The following DST variants were observed in gnomAD, a reference collection of about 807,000 sequenced individuals.
DST encodes dystonin.
DST carries 253 observed loss-of-function variants against 875.2 expected under a neutral mutation model. That is an observed-to-expected ratio of 0.29 (90% confidence interval 0.26 to 0.32). The LOEUF is 0.32. Ranked by LOEUF, DST falls within the 10% of genes least tolerant of loss-of-function variation. The probability of loss-of-function intolerance (pLI) is 1.00; values close to 1 mark genes in which losing one functional copy is unlikely to be tolerated. For missense variants in DST, 8,287 were observed against 9,111.6 expected (o/e 0.91, Z 3.68); for synonymous variants, 3,124 against 3,197.1 (o/e 0.98, Z 0.77).
In DST at chr6:56,530,086, T is replaced by C. The variant is rs753825999; in HGVS notation, c.17156A>G (p.Glu5719Gly). The C allele has an allele frequency of 6.2e-7, 1 of 1,610,946 alleles. No homozygotes were observed. The highest frequency in any genetic ancestry group is 8.5e-7 in the Non-Finnish European group (1 of 1,178,810). ...GISVVAQQFH[E>G]TLEPLNEWLT... ...CCACTCGTTCAGTGGTTCTAAGGTT[T>C]CATGAAATTGCTGTGCTACCACCGA... The change falls in exon 65 of 104, where the codon GAA (glutamate) becomes GGA (glycine). Residue 5719 changes from glutamate to glycine, a missense_variant. Glu to Gly is a moderately conservative substitution (Grantham distance 98). Transcript: ENST00000680361.
At chr6:56,891,436 G>A (rs372009405) in intron 3 of DST, among the ~76,000 whole-genome samples, 29 of 152,044 alleles carry the variant, frequency 1.9e-4, no homozygotes, top group African/African-American at 6.5e-4. Flanking sequence ...GCGTGGTAGC[G>A]GGCACCTGTA....
At chr6:56,595,873 A>G (rs1372209413) in intron 47 of DST, among the ~76,000 whole-genome samples, 1 of 151,020 alleles carries the variant, frequency 6.6e-6, no homozygotes, top group Non-Finnish European at 1.5e-5. Context: ...CCTTCCTCCT[A>G]CAGATGAGGA....
rs760000378 is a variant in DST at position 56,631,375 on chromosome 6, C to T, written c.3978G>A (p.Glu1326=). 10 of 1,613,802 alleles carry T rather than the reference C, an allele frequency of 6.2e-6. No homozygotes were observed. In the South Asian group the frequency reaches 6.6e-5, roughly 11 times the overall value. Residue 1326 remains glutamate, a synonymous_variant, in exon 30 of 104, where the codon GAG becomes GAA. Coordinates refer to ENST00000680361, the MANE Select transcript of DST (RefSeq NM_001374736.1). The stretch of plus-strand genomic sequence containing the variant: ...CCAAATCATCTTTAAGTCGTTCCAG[C>T]TCTTTCTTTAGTTTCTATAAAACAG... ...RITEQEKLKK[E]LERLKDDLGT...
intron 16 of DST, 92 bp downstream of exon 16, chr6:56,642,318 G>C: frequency 1.0e-6 from 1 of 1,004,200 alleles, no homozygotes; most frequent in Non-Finnish European, 1.6e-6. Flanking sequence ...GTATTACGAA[G>C]AATCAACCAA....
intron 5 of DST, among the ~76,000 whole-genome samples, chr6:56,706,493 C>T (rs946662872): frequency 6.6e-6 from 1 of 152,182 alleles, no homozygotes; most frequent in Non-Finnish European, 1.5e-5. Context: ...AGGAACATAT[C>T]TATTACATGC....
At position 56,606,948 on chromosome 6, in the gene DST, A is replaced by G. The variant is rs746158211; in HGVS notation, c.7680T>C (p.Ala2560=). The G allele has an allele frequency of 1.2e-6, 2 of 1,613,400 alleles. No homozygotes were observed. Among genetic ancestry groups the G allele is most frequent in the Non-Finnish European group, 1.7e-6 (2 of 1,179,630 alleles). ...TATCAGTATCACCCCCTGGAGTCACAGCACAGGAATACTCTTCTATTTCAG... is the reference window on the plus strand; with the variant it reads ...TATCAGTATCACCCCCTGGAGTCACGGCACAGGAATACTCTTCTATTTCAG... The part of the protein sequence containing the change: ...DESEIEEYSC[A]VTPGGDTDNA... The change falls in exon 40 of 104, where the codon GCT becomes GCC. Residue 2560 remains alanine (A), a synonymous_variant. Transcript: ENST00000680361.
At chr6:56,906,063 A>G (rs1383932241) in intron 2 of DST, among the ~76,000 whole-genome samples, 1 of 152,212 alleles carries the variant, frequency 6.6e-6, no homozygotes, top group Non-Finnish European at 1.5e-5. Flanking sequence ...ACTCTTCAAG[A>G]TCCTGATTCC....
chr6:56,934,560 T>TTATATATATATATATATATATA (rs60018139), intron 2 of DST, among the ~76,000 whole-genome samples: 3 of 106,484 alleles, frequency 2.8e-5, no homozygotes, highest in African/African-American at 7.1e-5. Flanking sequence ...ATATATTATA[T>TTATATATATATATATATATATA]TATATATATA....
At chr6:56,821,361 A>T (rs181173896) in intron 4 of DST, among the ~76,000 whole-genome samples, 1 of 152,324 alleles carries the variant, frequency 6.6e-6, no homozygotes, top group East Asian at 1.9e-4. Flanking sequence ...TGAAGCTTGC[A>T]AGGAAGCAAG....
chr6:56,719,285 C>A (rs1300777372), intron 5 of DST, among the ~76,000 whole-genome samples: 2 of 152,058 alleles, frequency 1.3e-5, no homozygotes, highest in Non-Finnish European at 1.5e-5. Flanking sequence ...AAAATAGCTC[C>A]AAGATTATCA....
chr6:56,633,233 CTTT>C (rs61647189), intron 27 of DST, among the ~76,000 whole-genome samples, 196 bp from the exon 28 acceptor site: 1 of 138,720 alleles, frequency 7.2e-6, no homozygotes, highest in African/African-American at 3.0e-5. Context: ...GAGTTTCACT[CTTT>C]TTTTTTTTGA....
intron 4 of DST, among the ~76,000 whole-genome samples, chr6:56,780,844 G>A (rs1404379606): frequency 6.6e-6 from 1 of 152,062 alleles, no homozygotes; most frequent in Non-Finnish European, 1.5e-5. Flanking sequence ...TTCTTCTAGG[G>A]TTTTTATGGT....
intron 44 of DST, 95 bp from the exon 45 acceptor site, chr6:56,600,316 G>T: frequency 8.2e-7 from 1 of 1,218,202 alleles, no homozygotes; most frequent in Admixed American, 2.0e-5. Context: ...TCCAAGTTTT[G>T]TCTAATAAGC....
chr6:56,755,557 A>T (rs1289044275), intron 4 of DST, among the ~76,000 whole-genome samples: 1 of 152,130 alleles, frequency 6.6e-6, no homozygotes, highest in African/African-American at 2.4e-5. Context: ...CTTATCACTG[A>T]TCTCGTAATC....
chr6:56,889,818 G>T (rs960800568), intron 3 of DST, among the ~76,000 whole-genome samples: 3 of 152,110 alleles, frequency 2.0e-5, no homozygotes, highest in Admixed American at 2.0e-4. Context: ...AATTACTCTT[G>T]CTTACTTCTT....
chr6:56,677,062 A>C (rs1486171010), intron 9 of DST, among the ~76,000 whole-genome samples: 3 of 152,228 alleles, frequency 2.0e-5, no homozygotes, highest in African/African-American at 7.2e-5. Context: ...GTACTGAAGT[A>C]ATGTATATGT....
intron 10 of DST, among the ~76,000 whole-genome samples, chr6:56,654,581 CT>C (rs2152803072): frequency 8.1e-6 from 1 of 124,012 alleles, no homozygotes; most frequent in East Asian, 2.7e-4. Context: ...GCAATCTCCC[CT>C]AGGCTATATA....
chr6:56,588,010 G>A (rs975130927), intron 49 of DST, among the ~76,000 whole-genome samples: 4 of 151,424 alleles, frequency 2.6e-5, no homozygotes, highest in Admixed American at 2.6e-4. Flanking sequence ...CAACTAACGA[G>A]CAAAATAACC....
intron 3 of DST, among the ~76,000 whole-genome samples, chr6:56,865,213 C>T (rs1773332248): frequency 6.6e-6 from 1 of 151,798 alleles, no homozygotes; most frequent in African/African-American, 2.4e-5. Flanking sequence ...GAAATATGGC[C>T]TGGAACACTT....
Sources: allele counts gnomAD v4.1 joint callset (sites outside exome capture counted in the v4.1 genomes callset), GRCh38; gene constraint gnomAD v4.1.1; transcripts MANE v1.5; gene names NCBI Gene and HGNC (gene_info 2026-07-23, HGNC 2026-07-21).